Variants in ADCK1 observed in about 807,000 individuals in gnomAD.
The protein encoded by ADCK1 is aarF domain containing kinase 1.
A neutral mutation model predicts 52.3 loss-of-function variants in ADCK1; 41 were observed. That is an observed-to-expected ratio of 0.78 (90% CI 0.61 to 1.02). The LOEUF (loss-of-function observed/expected upper bound fraction) is 1.02. ADCK1 is among the 50% of genes least tolerant of loss of function. The pLI is 0.00. For synonymous variants in ADCK1, 250 were observed against 274.6 expected (o/e 0.91, Z 0.89); for missense variants, 658 against 679.5 (o/e 0.97, Z 0.35).
At chr14:77,852,005 AT>A (rs548879775) in intron 3 of ADCK1, among the ~76,000 whole-genome samples, 29 of 147,048 alleles carry the variant, frequency 2.0e-4, no homozygotes, top group East Asian at 5.9e-4. Flanking sequence ...TATTTATTTA[AT>A]TTTTTTTTTT....
intron 10 of ADCK1, among the ~76,000 whole-genome samples, chr14:77,932,026 T>TTTTA (rs939011891): frequency 3.5e-4 from 53 of 152,178 alleles, no homozygotes; most frequent in Admixed American, 8.5e-4. Context: ...TCTCAGATCT[T>TTTTA]TTTATTTATT....
intron 8 of ADCK1, 43 bp from the exon 9 acceptor site, chr14:77,925,721 G>T: frequency 6.3e-7 from 1 of 1,598,294 alleles, no homozygotes. Context: ...GCCTTTGGTG[G>T]GGAGACGAGG....
At chr14:77,873,788 T>C (rs1034219860) in intron 4 of ADCK1, among the ~76,000 whole-genome samples, 1 of 152,190 alleles carries the variant, frequency 6.6e-6, no homozygotes, top group East Asian at 1.9e-4. Flanking sequence ...TCTGCCACAA[T>C]TGTTAGTTTT....
chr14:77,885,313 G>T (rs954328336), intron 4 of ADCK1, among the ~76,000 whole-genome samples: 3 of 152,170 alleles, frequency 2.0e-5, no homozygotes, highest in African/African-American at 4.8e-5. Flanking sequence ...GTGTGTTTTT[G>T]GGGGAGCAGG....
At chr14:77,865,398 C>A (rs1483227591) in intron 4 of ADCK1, among the ~76,000 whole-genome samples, 2 of 152,028 alleles carry the variant, frequency 1.3e-5, no homozygotes, top group Non-Finnish European at 2.9e-5. Context: ...CAGGAGAATC[C>A]CTTGAACCCG....
chr14:77,824,839 A>G (rs1225419036), intron 3 of ADCK1, among the ~76,000 whole-genome samples: 1 of 152,116 alleles, frequency 6.6e-6, no homozygotes, highest in African/African-American at 2.4e-5. Context: ...AGTCTATAAC[A>G]TTTCGTCGCT....
At chr14:77,826,893 C>A (rs1203670565) in intron 3 of ADCK1, among the ~76,000 whole-genome samples, 1 of 152,088 alleles carries the variant, frequency 6.6e-6, no homozygotes, top group African/African-American at 2.4e-5. Context: ...GAAACCTGAG[C>A]ACCAGAGCCA....
chr14:77,897,627 T>A (rs1451479761), intron 5 of ADCK1, among the ~76,000 whole-genome samples: 1 of 152,202 alleles, frequency 6.6e-6, no homozygotes, highest in Non-Finnish European at 1.5e-5. Flanking sequence ...ATCCAAGTGG[T>A]CAAATTCCTT....
chr14:77,888,285 T>C (rs1279795893), intron 5 of ADCK1, among the ~76,000 whole-genome samples: 1 of 152,004 alleles, frequency 6.6e-6, no homozygotes, highest in African/African-American at 2.4e-5. Flanking sequence ...GTTCAGATGG[T>C]ATGAGCTCGA....
At chr14:77,896,222 A>G (rs889034372) in intron 5 of ADCK1, among the ~76,000 whole-genome samples, 3 of 152,208 alleles carry the variant, frequency 2.0e-5, no homozygotes, top group Non-Finnish European at 2.9e-5. Context: ...TTGGATATCA[A>G]TGATAATTAA....
intron 7 of ADCK1, among the ~76,000 whole-genome samples, chr14:77,919,106 T>C (rs1180075875): frequency 6.6e-6 from 1 of 152,184 alleles, no homozygotes; most frequent in East Asian, 1.9e-4. Context: ...CAGGCTGGAG[T>C]GCAATGGTGT....
chr14:77,916,568 C>T (rs1256275234), intron 7 of ADCK1, among the ~76,000 whole-genome samples: 1 of 152,202 alleles, frequency 6.6e-6, no homozygotes, highest in African/African-American at 2.4e-5. Flanking sequence ...GATCTTCCCA[C>T]CCCAGCCTCT....
chr14:77,909,036 G>GAGTC (rs1241890527), intron 7 of ADCK1, among the ~76,000 whole-genome samples: 3 of 152,034 alleles, frequency 2.0e-5, no homozygotes, highest in African/African-American at 7.2e-5. Context: ...AGGCACTGTG[G>GAGTC]AGTCACTTCA....
At chr14:77,928,237 G>A (rs1566743093) in intron 9 of ADCK1, among the ~76,000 whole-genome samples, 1 of 152,134 alleles carries the variant, frequency 6.6e-6, no homozygotes, top group Non-Finnish European at 1.5e-5. Flanking sequence ...GGGAAGACTG[G>A]GAAGGACATA....
chr14:77,852,597 G>A lies in ADCK1; in HGVS notation c.220-6479G>A, dbSNP rs996399934. Among the ~76,000 whole-genome samples, 5 of 95,520 alleles carry A rather than the reference G, an allele frequency of 5.2e-5. No individual in the cohort carries two copies. In the South Asian group the frequency reaches 2.0e-3, roughly 37 times the overall value. 62.7% of individuals were successfully genotyped at this position (95,520 alleles called of 152,430 possible). A position where few individuals can be genotyped will look rare whatever the true frequency, so the allele number is the denominator to read the frequency against. ...CTTGTTGAGGTCCTTGAATTTATTA[G>A]TTTATACATTTAAAAAAAATCAAAT... On this transcript the variant is annotated intron_variant, in intron 3 of 10. Transcript: ENST00000238561.
At chr14:77,819,183 G>T in intron 2 of ADCK1, 70 bp downstream of exon 2, 1 of 1,594,148 alleles carries the variant, frequency 6.3e-7, no homozygotes, top group Non-Finnish European at 8.6e-7. Flanking sequence ...ACATGTAGCA[G>T]ATAGACATGC....
chr14:77,896,522 G>A (rs993488238), intron 5 of ADCK1, among the ~76,000 whole-genome samples: 5 of 152,242 alleles, frequency 3.3e-5, no homozygotes, highest in Admixed American at 2.0e-4. Flanking sequence ...CCAGAAAAGT[G>A]GAATTCAGGT....
At chr14:77,918,570 C>G (rs2083980044) in intron 7 of ADCK1, among the ~76,000 whole-genome samples, 1 of 152,004 alleles carries the variant, frequency 6.6e-6, no homozygotes, top group South Asian at 2.1e-4. Flanking sequence ...GTCGTGTGCC[C>G]AGTAATGGCC....
chr14:77,828,638 G>A (rs1342134024), intron 3 of ADCK1, among the ~76,000 whole-genome samples: 1 of 152,042 alleles, frequency 6.6e-6, no homozygotes, highest in African/African-American at 2.4e-5. Context: ...GGGTTCAAGC[G>A]ATTCTCCTCC....
Sources: gnomAD v4.1 joint callset for allele counts (sites outside exome capture counted in the v4.1 genomes callset) on GRCh38, gnomAD v4.1.1 for gene constraint, MANE v1.5 for transcripts, NCBI Gene and HGNC (gene_info 2026-07-23, HGNC 2026-07-21) for gene names.